The following JAZF1 variants were observed in gnomAD, a reference collection of about 807,000 sequenced individuals.
JAZF1 encodes the protein juxtaposed with another zinc finger protein 1.
Under a neutral mutation model 26.4 loss-of-function variants are expected in JAZF1, and 8 were observed. The ratio of observed to expected loss-of-function variants is 0.30; its 90% CI spans 0.18 to 0.55. JAZF1 has a LOEUF of 0.55. Among genes scored for constraint, JAZF1 ranks in the 20% least tolerant of loss-of-function variants. The pLI is 0.94. For missense variants in JAZF1, 199 were observed against 322.0 expected (o/e 0.62, Z 2.92); for synonymous variants, 126 against 122.3 (o/e 1.03, Z -0.20).
At chr7:27,932,639 C>T (rs542796874) in intron 2 of JAZF1, among the ~76,000 whole-genome samples, 4 of 152,292 alleles carry the variant, frequency 2.6e-5, no homozygotes, top group Admixed American at 6.5e-5. Flanking sequence ...TCAAACTAAT[C>T]TTTTATTTAA....
intron 1 of JAZF1, among the ~76,000 whole-genome samples, chr7:28,017,318 T>C (rs7794870): frequency 0.51 from 74,409 of 146,060 alleles, 21,223 homozygotes; most frequent in Non-Finnish European, 0.66. Context: ...ACCACTGTAC[T>C]CCAGCCTAGG....
chr7:28,125,029 AAAAAT>A (rs1583573908), intron 1 of JAZF1, among the ~76,000 whole-genome samples: 1 of 152,250 alleles, frequency 6.6e-6, no homozygotes, highest in East Asian at 1.9e-4. Context: ...GAAAGCAGAG[AAAAAT>A]AAAATGCAGC....
At chr7:27,950,785 G>C (rs997255573) in intron 2 of JAZF1, among the ~76,000 whole-genome samples, 2 of 152,080 alleles carry the variant, frequency 1.3e-5, no homozygotes, top group African/African-American at 4.8e-5. Flanking sequence ...ACTACATCGA[G>C]TAGTTGGTCA....
At chr7:28,088,570 G>A (rs1369732490) in intron 1 of JAZF1, among the ~76,000 whole-genome samples, 1 of 152,188 alleles carries the variant, frequency 6.6e-6, no homozygotes, top group Non-Finnish European at 1.5e-5. Context: ...CAAAGTCAGA[G>A]ATGTGTGTGA....
intron 2 of JAZF1, among the ~76,000 whole-genome samples, chr7:27,976,218 C>T (rs1026610317): frequency 2.6e-5 from 4 of 151,812 alleles, no homozygotes; most frequent in East Asian, 1.9e-4. Flanking sequence ...TGGTTGTGTG[C>T]GCCTGTAGTC....
intron 2 of JAZF1, among the ~76,000 whole-genome samples, chr7:27,964,807 A>C (rs1048253521): frequency 6.6e-6 from 1 of 152,014 alleles, no homozygotes; most frequent in Non-Finnish European, 1.5e-5. Context: ...GTAACTCATG[A>C]ATCTGTTAGT....
intron 1 of JAZF1, among the ~76,000 whole-genome samples, chr7:28,006,722 A>C (rs1345265760): frequency 6.6e-6 from 1 of 152,146 alleles, no homozygotes; most frequent in African/African-American, 2.4e-5. Context: ...GGTTTGTCTG[A>C]CTTCAAAGTA....
At chr7:28,020,672 G>C (rs1471933919) in intron 1 of JAZF1, 1 of 471,112 alleles carries the variant, frequency 2.1e-6, no homozygotes, top group East Asian at 6.9e-5. Context: ...AGTAGAGGTA[G>C]AAGTGAGCGA....
intron 1 of JAZF1, among the ~76,000 whole-genome samples, chr7:28,135,271 C>T (rs540759824): frequency 1.1e-4 from 17 of 152,322 alleles, no homozygotes; most frequent in Non-Finnish European, 7.3e-5. Context: ...CCTCTCTCCT[C>T]AACTGGCTTG....
chr7:27,882,950 C>T (rs1361099564), intron 3 of JAZF1, among the ~76,000 whole-genome samples: 2 of 151,980 alleles, frequency 1.3e-5, no homozygotes, highest in Non-Finnish European at 2.9e-5. Flanking sequence ...CAGTCTCGGG[C>T]GTCTGTTTGT....
chr7:27,969,859 A>G (rs1030881883), intron 2 of JAZF1, among the ~76,000 whole-genome samples: 1 of 152,198 alleles, frequency 6.6e-6, no homozygotes, highest in African/African-American at 2.4e-5. Context: ...TCCGTGCAGT[A>G]TGGCGAGAAA....
chr7:28,090,874 C>T (rs1316894171), intron 1 of JAZF1, among the ~76,000 whole-genome samples: 1 of 139,136 alleles, frequency 7.2e-6, no homozygotes, highest in African/African-American at 2.7e-5. Context: ...GGCCGGACTG[C>T]GGACTGCAGT....
intron 2 of JAZF1, among the ~76,000 whole-genome samples, chr7:27,947,374 A>C (rs1349477899): frequency 6.6e-6 from 1 of 152,170 alleles, no homozygotes; most frequent in Admixed American, 6.5e-5. Flanking sequence ...CTCTGAATAT[A>C]CTCTTTTTCT....
chr7:28,098,429 G>A (rs576560363), intron 1 of JAZF1, among the ~76,000 whole-genome samples: 3 of 151,978 alleles, frequency 2.0e-5, no homozygotes, highest in East Asian at 1.9e-4. Flanking sequence ...GACCAAGTAC[G>A]TCTTCTTCAT....
At chr7:28,146,591 A>G (rs147326521) in intron 1 of JAZF1, among the ~76,000 whole-genome samples, 29 of 152,332 alleles carry the variant, frequency 1.9e-4, no homozygotes, top group African/African-American at 7.0e-4. Flanking sequence ...ATCATTATCA[A>G]CAGTCTGACT....
chr7:27,897,385 T>C (rs952090406), intron 2 of JAZF1, among the ~76,000 whole-genome samples: 5 of 152,212 alleles, frequency 3.3e-5, no homozygotes, highest in African/African-American at 9.7e-5. Flanking sequence ...TTGAGGCAAG[T>C]TGATAAACTT....
intron 2 of JAZF1, among the ~76,000 whole-genome samples, chr7:27,991,235 GC>G (rs2128365230): frequency 6.6e-6 from 1 of 152,204 alleles, no homozygotes; most frequent in Admixed American, 6.5e-5. Flanking sequence ...AACTAGTTTT[GC>G]TTTTACTTTG....
chr7:27,894,647 T>C (rs1011055002), intron 3 of JAZF1, among the ~76,000 whole-genome samples: 2 of 152,158 alleles, frequency 1.3e-5, no homozygotes, highest in East Asian at 1.9e-4. Flanking sequence ...AATGGATTAC[T>C]TGATTGGTGA....
intron 3 of JAZF1, among the ~76,000 whole-genome samples, chr7:27,867,524 C>T (rs1026299070): frequency 7.9e-5 from 12 of 152,194 alleles, no homozygotes; most frequent in Admixed American, 4.6e-4. Context: ...TATTTGGCTT[C>T]CTAACAGGGC....
Sources: allele counts gnomAD v4.1 joint callset (sites outside exome capture counted in the v4.1 genomes callset), GRCh38; gene constraint gnomAD v4.1.1; transcripts MANE v1.5; gene names NCBI Gene and HGNC (gene_info 2026-07-23, HGNC 2026-07-21).